NAA25: variants seen among roughly 807,000 people sequenced by gnomAD.
NAA25 encodes the protein N-alpha-acetyltransferase 25, NatB auxiliary subunit.
NAA25 carries 30 observed loss-of-function variants against 132.5 expected under a neutral mutation model. That is an observed-to-expected ratio of 0.23 (90% CI 0.17 to 0.31). NAA25 has a LOEUF of 0.31. NAA25 is among the 10% of genes least tolerant of loss of function. The pLI, the probability that NAA25 is intolerant of heterozygous loss-of-function variation, is 1.00. For missense variants in NAA25, 771 were observed against 1,150.4 expected, an observed-to-expected ratio of 0.67 and a Z score of 4.77; for synonymous variants, 359 against 401.9, an observed-to-expected ratio of 0.89 and a Z score of 1.28.
At chr12:112,060,240 T>A (rs1566011397) in intron 13 of NAA25, 30 bp downstream of exon 13, 1 of 1,487,454 alleles carries the variant, frequency 6.7e-7, no homozygotes, top group Non-Finnish European at 9.3e-7. Context: ...AAGCAAAAAG[T>A]AAAGTTGAAC....
rs935186420 is a variant in NAA25, at chr12:112,072,930, C to A, written c.867-866G>T. ...CTCCAGACTGGGTGACAGAGCAAGA[C>A]CCCATCTCAAAAAGAAAAAAAGGCC... On this transcript the variant is annotated intron_variant, in intron 9 of 23. Coordinates refer to ENST00000261745, the MANE Select transcript of NAA25 (RefSeq NM_024953.4). Among the ~76,000 whole-genome samples the A allele has an allele frequency of 4.0e-5, 6 of 151,712 alleles. No individual in the cohort carries two copies. The South Asian group carries it at 1.2e-3, about 32-fold the overall frequency.
intron 5 of NAA25, 89 bp from the exon 6 acceptor site, chr12:112,078,830 C>A (rs1296620977): frequency 2.0e-6 from 2 of 1,022,620 alleles, no homozygotes; most frequent in African/African-American, 3.2e-5. Context: ...ACATAATTAT[C>A]AATCCACCAT....
chr12:112,076,543 T>C (rs376731740), intron 7 of NAA25, among the ~76,000 whole-genome samples: 2 of 152,150 alleles, frequency 1.3e-5, no homozygotes, highest in East Asian at 3.8e-4. Flanking sequence ...GAATCAAATC[T>C]TTCCAAACAA....
At chr12:112,098,662 T>C (rs1477560141) in intron 1 of NAA25, among the ~76,000 whole-genome samples, 1 of 152,198 alleles carries the variant, frequency 6.6e-6, no homozygotes, top group East Asian at 1.9e-4. Context: ...ATGTATTGGT[T>C]AAAGCAGTAT....
chr12:112,086,051 AATATATAT>A lies in NAA25; in HGVS notation c.402+1624_402+1631del, dbSNP rs1555238696. Among the ~76,000 whole-genome samples the A allele has an allele frequency of 5.1e-4, 19 of 37,378 alleles. 2 individuals are homozygous for A. The highest frequency in any genetic ancestry group is 3.2e-3 in the African/African-American group (18 of 5,552). 24.5% of individuals were successfully genotyped at this position (37,378 alleles called of 152,430 possible). On this transcript the variant is annotated intron_variant, in intron 4 of 23. Transcript: ENST00000261745. ...AAAAAAAAAAAAAAAAAAAAAAAAA[AATATATAT>A]ATATATATATATATACACACACACA...
Position 112,049,527 on chromosome 12 carries a change from T to TGCC in NAA25, c.1729-1085_1729-1084insGGC, listed in dbSNP as rs1164773845. 1.0e-6 allele frequency: 1 copy of TGCC among 985,778 alleles called. No individual in the cohort carries two copies. Among genetic ancestry groups the TGCC allele is most frequent in the Non-Finnish European group, 1.2e-6 (1 of 829,958 alleles). The allele number at this position is 985,778 out of a possible 1,614,324, so 61.1% of individuals were successfully genotyped here. A position where few individuals can be genotyped will look rare whatever the true frequency, so the allele number is the denominator to read the frequency against. On this transcript the variant is annotated intron_variant, in intron 15 of 23. Transcript: ENST00000261745. This position sits in a 1 kb window ranked among gnomAD's most constrained non-coding sequence, Gnocchi z 4.7. ...CAGGGTTCATTTCAGGCCGCGGGAT[T>TGCC]GCGCCACGGGCGCTAATTCAACTGC...
chr12:112,043,407 A>C (rs764351968), intron 18 of NAA25, among the ~76,000 whole-genome samples, 196 bp from the exon 19 acceptor site: 2 of 152,218 alleles, frequency 1.3e-5, no homozygotes, highest in Non-Finnish European at 2.9e-5. Flanking sequence ...TAAAAACTTA[A>C]CACCACAAAA....
At position 112,080,071 on chromosome 12, in the gene NAA25, G is replaced by A. The variant is rs192401468; in HGVS notation, c.477+989C>T. On this transcript the variant is annotated intron_variant, in intron 5 of 23. Coordinates refer to ENST00000261745, the MANE Select transcript of NAA25 (RefSeq NM_024953.4). Reference sequence around the variant, plus strand: ...CGAGGCGGGCGGATCACGAGGTCAGGAGATCGAGACCATCCTGGCTAACAT... The same window carrying A: ...CGAGGCGGGCGGATCACGAGGTCAGAAGATCGAGACCATCCTGGCTAACAT... Among the ~76,000 whole-genome samples the A allele has an allele frequency of 4.0e-3, 607 of 150,312 alleles. 7 individuals carry two copies. The highest frequency in any genetic ancestry group is 0.014 in the African/African-American group (566 of 40,962).
chr12:112,031,762 C>T lies in NAA25; in HGVS notation c.2796+1471G>A, dbSNP rs771783092. Among the ~76,000 whole-genome samples the T allele has an allele frequency of 1.8e-4, 28 of 151,586 alleles. 1 individual carries two copies. Among genetic ancestry groups the T allele is most frequent in the Non-Finnish European group, 1.3e-4 (9 of 67,916 alleles). On this transcript the variant is annotated intron_variant, in intron 23 of 23. Transcript: ENST00000261745. ...TGGCCCTGCCAACTGTGTCACACTGCGCCACAGAATTCACTTTCCTGCCCC... is the reference window on the plus strand; with the variant it reads ...TGGCCCTGCCAACTGTGTCACACTGTGCCACAGAATTCACTTTCCTGCCCC...
Position 112,027,721 on chromosome 12 carries a change from A to G in NAA25, c.*1810T>C, listed in dbSNP as rs923520570. On this transcript the variant is annotated 3_prime_UTR_variant, in exon 24 of 24. Coordinates refer to ENST00000261745, the MANE Select transcript of NAA25 (RefSeq NM_024953.4). ...TACTTTTTTGGATATTCAGAGAGAC[A>G]TCATTTCAAGAACACACGCCATACA... The G allele has an allele frequency of 1.1e-4, 17 of 152,274 alleles. No homozygotes were observed. The highest frequency in any genetic ancestry group is 3.4e-4 in the African/African-American group (14 of 41,456). The allele number at this position is 152,274 out of a possible 1,614,324, so 9.4% of individuals were successfully genotyped here. A position where few individuals can be genotyped will look rare whatever the true frequency, so the allele number is the denominator to read the frequency against.
rs757007450 is a variant in NAA25, at chr12:112,047,714, G to T, written c.1957C>A (p.Arg653=). The change falls in exon 17 of 24, where the codon CGA becomes AGA. Residue 653 remains arginine (R), a synonymous_variant. Transcript: ENST00000261745. ...EEDDIPWEDL[R]DNRDLNVFFS... ...AAAACATTTAAGTCTCTGTTGTCTC[G>T]CAAATCTTCCCATGGAATGTCATCT... The T allele has an allele frequency of 1.2e-6, 2 of 1,613,606 alleles. No homozygotes were observed. The highest frequency in any genetic ancestry group is 2.2e-5 in the South Asian group (2 of 91,010).
chr12:112,086,512 A>G (rs75519385), intron 4 of NAA25, among the ~76,000 whole-genome samples: 1 of 151,998 alleles, frequency 6.6e-6, no homozygotes, highest in Admixed American at 6.6e-5. Flanking sequence ...AAAAAAGAAG[A>G]AAAAAACTTC....
intron 4 of NAA25, among the ~76,000 whole-genome samples, chr12:112,084,844 C>A (rs553835219): frequency 2.5e-4 from 38 of 151,914 alleles, no homozygotes; most frequent in African/African-American, 8.0e-4. Flanking sequence ...CGCCTGTAAT[C>A]CCAATATTTT....
chr12:112,057,203 G>A (rs1278456076), intron 13 of NAA25, among the ~76,000 whole-genome samples: 1 of 151,672 alleles, frequency 6.6e-6, no homozygotes, highest in Non-Finnish European at 1.5e-5. Flanking sequence ...AGTAAAATAA[G>A]ATAAAATAAA....
intron 2 of NAA25, among the ~76,000 whole-genome samples, chr12:112,091,310 A>T (rs2136928580): frequency 6.6e-6 from 1 of 151,610 alleles, no homozygotes; most frequent in South Asian, 2.1e-4. Context: ...ACTTTGGGAG[A>T]CTAAGGCAGG....
chr12:112,086,071 TATACACACACAC>T (rs2079048693), intron 4 of NAA25, among the ~76,000 whole-genome samples: 4 of 53,652 alleles, frequency 7.5e-5, no homozygotes, highest in African/African-American at 1.4e-4. Flanking sequence ...TATATATATA[TATACACACACAC>T]ACACACACAC....
intron 6 of NAA25, 110 bp downstream of exon 6, chr12:112,078,524 G>A: frequency 9.9e-7 from 1 of 1,006,966 alleles, no homozygotes; most frequent in Non-Finnish European, 1.5e-6. Context: ...GGCCAAAAGT[G>A]AGGACCCAGC....
At chr12:112,030,680 G>C (rs1449232978) in intron 23 of NAA25, among the ~76,000 whole-genome samples, 2 of 152,156 alleles carry the variant, frequency 1.3e-5, no homozygotes, top group African/African-American at 4.8e-5. Flanking sequence ...GCAGAGCCTA[G>C]AACTGTAGAA....
chr12:112,089,862 G>A (rs1471718523), intron 3 of NAA25, among the ~76,000 whole-genome samples: 1 of 151,372 alleles, frequency 6.6e-6, no homozygotes, highest in Non-Finnish European at 1.5e-5. Context: ...GGATGGTGGT[G>A]CATGCCTGTA....
Sources: allele counts gnomAD v4.1 joint callset (sites outside exome capture counted in the v4.1 genomes callset), GRCh38; gene constraint gnomAD v4.1.1; non-coding constraint Gnocchi (gnomAD v3.1); transcripts MANE v1.5; gene names NCBI Gene and HGNC (gene_info 2026-07-23, HGNC 2026-07-21).